RAPGEF6: variants seen among roughly 807,000 people sequenced by gnomAD.
The protein encoded by RAPGEF6 is Rap guanine nucleotide exchange factor 6.
RAPGEF6 carries 56 observed loss-of-function variants against 171.4 expected under a neutral mutation model. The ratio of observed to expected loss-of-function variants is 0.33; its 90% CI spans 0.26 to 0.41. RAPGEF6 has a LOEUF of 0.41. RAPGEF6 is among the 10% of genes least tolerant of loss of function. The pLI is 1.00. For missense variants in RAPGEF6, 1,674 were observed against 1,921.4 expected, an observed-to-expected ratio of 0.87 and a Z score of 2.41; for synonymous variants, 692 against 650.1, an observed-to-expected ratio of 1.06 and a Z score of -0.98.
At chr5:131,549,622 T>G (rs532396886) in intron 5 of RAPGEF6, among the ~76,000 whole-genome samples, 80 of 151,330 alleles carry the variant, frequency 5.3e-4, no homozygotes, top group South Asian at 1.9e-3. Context: ...GGGGCGAGAG[T>G]ATCACTTGAG....
chr5:131,448,857 C>A (rs1429175316), intron 21 of RAPGEF6, among the ~76,000 whole-genome samples: 2 of 151,954 alleles, frequency 1.3e-5, no homozygotes, highest in East Asian at 3.8e-4. Context: ...AATAGTAATG[C>A]CAGGTATCAA....
chr5:131,522,752 G>C (rs1227455468), intron 6 of RAPGEF6, among the ~76,000 whole-genome samples: 1 of 152,126 alleles, frequency 6.6e-6, no homozygotes, highest in Non-Finnish European at 1.5e-5. Context: ...AAAAGGCCAA[G>C]AAGTACCTGT....
chr5:131,496,331 AGAAAT>A (rs775781902), intron 12 of RAPGEF6, among the ~76,000 whole-genome samples: 28 of 152,246 alleles, frequency 1.8e-4, no homozygotes, highest in Non-Finnish European at 4.0e-4. Flanking sequence ...TAACAATGTA[AGAAAT>A]GAGTCATTTT....
rs1166075222 is a variant in RAPGEF6 at position 131,439,668 on chromosome 5, C to T, written c.3658G>A (p.Gly1220Ser). The T allele has an allele frequency of 6.2e-7, 1 of 1,612,574 alleles. No homozygotes were observed. Among genetic ancestry groups the T allele is most frequent in the Non-Finnish European group, 8.5e-7 (1 of 1,179,448 alleles). The change falls in exon 24 of 28, where the codon GGT becomes AGT. Residue 1220 changes from glycine (G) to serine (S), a missense_variant. Physicochemically the swap from Gly to Ser is moderately conservative, Grantham distance 56. Coordinates refer to ENST00000509018, the MANE Select transcript of RAPGEF6 (RefSeq NM_016340.6). ...KVLGTTEEIS[G>S]KKHTEDTISV... ...ATAGTGTCTTCTGTATGCTTCTTAC[C>T]ACTTATTTCTTCAGTTGTTCCTAAA...
At chr5:131,528,259 AAAT>A (rs1450930058) in intron 6 of RAPGEF6, among the ~76,000 whole-genome samples, 68 of 130,300 alleles carry the variant, frequency 5.2e-4, no homozygotes, top group Non-Finnish European at 8.9e-4. Flanking sequence ...AAATAAAATA[AAAT>A]AATATATTTA....
intron 7 of RAPGEF6, among the ~76,000 whole-genome samples, chr5:131,517,738 CTTGT>C (rs1332497370): frequency 3.4e-5 from 5 of 146,390 alleles, no homozygotes; most frequent in Admixed American, 1.4e-4. Context: ...AATTCTTCTC[CTTGT>C]TTATTCCCGA....
At chr5:131,592,895 T>C (rs2150003956) in intron 3 of RAPGEF6, among the ~76,000 whole-genome samples, 1 of 152,350 alleles carries the variant, frequency 6.6e-6, no homozygotes, top group Non-Finnish European at 1.5e-5. Flanking sequence ...TTCTGAAGTA[T>C]ATTAGCACAT....
At position 131,461,987 on chromosome 5, in the gene RAPGEF6, G is replaced by A; in HGVS notation, c.2582C>T (p.Thr861Ile). 2 of 1,614,094 alleles carry A rather than the reference G, an allele frequency of 1.2e-6. No homozygotes were observed. Among genetic ancestry groups the A allele is most frequent in the Non-Finnish European group, 8.5e-7 (1 of 1,179,982 alleles). ...ESQLSMLQLSTIEVATQLSMR... is the reference protein window; with the variant it reads ...ESQLSMLQLSIIEVATQLSMR... ...TGACAGCTGGGTGGCCACCTCAATGGTACTGAGCTGCAGCATGGATAGCTG... is the reference window on the plus strand; with the variant it reads ...TGACAGCTGGGTGGCCACCTCAATGATACTGAGCTGCAGCATGGATAGCTG... Residue 861 changes from threonine (T) to isoleucine (I), a missense_variant, in exon 19 of 28, where the codon ACC becomes ATC. Coordinates refer to ENST00000509018, the MANE Select transcript of RAPGEF6 (RefSeq NM_016340.6).
At position 131,635,100 on chromosome 5, in the gene RAPGEF6, G is replaced by GCACCC; in HGVS notation, c.-71_-70insGGGTG. On this transcript the variant is annotated 5_prime_UTR_variant, in exon 1 of 28. Coordinates refer to ENST00000509018, the MANE Select transcript of RAPGEF6 (RefSeq NM_016340.6). ...CCACAGTTCATTCACACTAGGTAGC[G>GCACCC]GGTGCGGTACCTTTCCCCCGCCCCA... 6.8e-7 allele frequency: 1 copy of GCACCC among 1,460,216 alleles called. No homozygotes were observed. The highest frequency in any genetic ancestry group is 2.5e-5 in the East Asian group (1 of 40,260). The allele number at this position is 1,460,216 out of a possible 1,614,324, so 90.5% of individuals were successfully genotyped here.
rs1334688926 is a variant in RAPGEF6, at chr5:131,510,308, T to TC, written c.805+5dup. The TC allele has an allele frequency of 6.2e-7, 1 of 1,609,886 alleles. No individual in the cohort carries two copies. Among genetic ancestry groups the TC allele is most frequent in the Admixed American group, 1.7e-5 (1 of 59,340 alleles). ...AATTCTTATTGTGAACACATATATT[T>TC]CTTACCAATGTCATCATCAGTTTTG... On this transcript the variant is annotated splice_donor_region_variant and intron_variant, in intron 8 of 27. Transcript: ENST00000509018.
intron 4 of RAPGEF6, among the ~76,000 whole-genome samples, chr5:131,567,498 T>C (rs1762025689): frequency 6.6e-6 from 1 of 152,224 alleles, no homozygotes; most frequent in African/African-American, 2.4e-5. Context: ...CTAATTTCTC[T>C]TGAAGTCTTC....
chr5:131,498,728 G>A (rs541349264), intron 11 of RAPGEF6, 121 bp from the exon 12 acceptor site: 10 of 922,458 alleles, frequency 1.1e-5, no homozygotes, highest in Middle Eastern at 3.3e-4. Flanking sequence ...GTACAGTTTC[G>A]CCTTTAAATC....
chr5:131,472,791 A>T (rs1754840845), intron 16 of RAPGEF6, 47 bp from the exon 17 acceptor site: 2 of 1,519,828 alleles, frequency 1.3e-6, no homozygotes, highest in Admixed American at 1.7e-5. Flanking sequence ...GAGAGTACTT[A>T]AGTAGTAAAC....
intron 17 of RAPGEF6, among the ~76,000 whole-genome samples, chr5:131,471,554 T>C (rs1754737734): frequency 6.6e-6 from 1 of 152,186 alleles, no homozygotes; most frequent in Non-Finnish European, 1.5e-5. Flanking sequence ...AAGCATTTTT[T>C]CTCCCACCTT....
intron 1 of RAPGEF6, among the ~76,000 whole-genome samples, chr5:131,605,769 G>A (rs527383262): frequency 3.9e-5 from 6 of 152,152 alleles, no homozygotes; most frequent in African/African-American, 1.4e-4. Context: ...GGTGGCTCAC[G>A]CCTGTAATCC....
At chr5:131,593,688 C>T (rs972984868) in intron 3 of RAPGEF6, among the ~76,000 whole-genome samples, 1 of 152,202 alleles carries the variant, frequency 6.6e-6, no homozygotes, top group Non-Finnish European at 1.5e-5. Context: ...TCTTGCTATG[C>T]TTTAGCAATT....
In RAPGEF6 at chr5:131,588,199, T is replaced by C. The variant is rs183555769; in HGVS notation, c.281+4184A>G. Among the ~76,000 whole-genome samples, 38 of 152,214 alleles carry C rather than the reference T, an allele frequency of 2.5e-4. No homozygotes were observed. In the East Asian group the frequency reaches 6.9e-3, roughly 28 times the overall value. ...GCTCTGCTGGTTTGGAGGCTTAGTG[T>C]ACAAAAGAGTATTGCTTCTACCAGT... On this transcript the variant is annotated intron_variant, in intron 4 of 27. Coordinates refer to ENST00000509018, the MANE Select transcript of RAPGEF6 (RefSeq NM_016340.6).
intron 4 of RAPGEF6, among the ~76,000 whole-genome samples, chr5:131,587,487 T>C (rs1290933365): frequency 6.6e-6 from 1 of 152,206 alleles, no homozygotes; most frequent in African/African-American, 2.4e-5. Context: ...GGGTAGTGAT[T>C]AGACAAACAT....
chr5:131,634,991 T>C lies in RAPGEF6; in HGVS notation c.40A>G (p.Arg14Gly), dbSNP rs986106197. ...PVDPGARQAL[R>G]KKPPERTPED... ...GGAGTCCGCTCGGGTGGCTTCTTCC[T>C]CAACGCCTGCCTAGCGCCAGGGTCC... Residue 14 changes from arginine to glycine, a missense_variant, in exon 1 of 28, where the codon AGG becomes GGG. Around this residue, in one of 3 missense-constraint regions of RAPGEF6, gnomAD observed 1,116 missense variants for 1,321.5 expected, o/e 0.84. Coordinates refer to ENST00000509018, the MANE Select transcript of RAPGEF6 (RefSeq NM_016340.6). 1.1e-5 allele frequency: 17 copies of C among 1,613,876 alleles called. No homozygotes were observed. Among genetic ancestry groups the C allele is most frequent in the Non-Finnish European group, 1.4e-5 (16 of 1,179,886 alleles).
Sources: allele counts gnomAD v4.1 joint callset (sites outside exome capture counted in the v4.1 genomes callset), GRCh38; gene constraint gnomAD v4.1.1; regional missense constraint gnomAD v4.1.1; transcripts MANE v1.5; gene names NCBI Gene and HGNC (gene_info 2026-07-23, HGNC 2026-07-21).